The following CCDC148 variants were observed in gnomAD, a reference collection of about 807,000 sequenced individuals.
CCDC148 encodes the protein coiled-coil domain containing 148.
A neutral mutation model predicts 85.7 loss-of-function variants in CCDC148; 89 were observed. That is an observed-to-expected ratio of 1.04 (90% CI 0.87 to 1.24). The LOEUF (loss-of-function observed/expected upper bound fraction) is 1.24, where lower values mean the gene tolerates loss of function less well. Among genes scored for constraint, CCDC148 ranks in the 50% most tolerant of loss-of-function variants. The pLI is 0.00. For synonymous variants in CCDC148, 230 were observed against 213.9 expected, an observed-to-expected ratio of 1.08 and a Z score of -0.66; for missense variants, 692 against 671.7, an observed-to-expected ratio of 1.03 and a Z score of -0.33.
chr2:158,399,430 G>C (rs533226103), intron 1 of CCDC148, among the ~76,000 whole-genome samples: 4 of 152,062 alleles, frequency 2.6e-5, no homozygotes, highest in Non-Finnish European at 4.4e-5. Flanking sequence ...TATCCACCAC[G>C]ATCAAGTCAG....
chr2:158,347,696 A>C (rs907929498), intron 2 of CCDC148, among the ~76,000 whole-genome samples: 1 of 152,140 alleles, frequency 6.6e-6, no homozygotes, highest in Non-Finnish European at 1.5e-5. Context: ...TGATGGTCCA[A>C]GATAATAAAA....
intron 2 of CCDC148, among the ~76,000 whole-genome samples, chr2:158,355,569 G>A (rs1349782868): frequency 7.4e-6 from 1 of 135,562 alleles, no homozygotes; most frequent in Admixed American, 7.5e-5. Context: ...ACTGCTCAAG[G>A]AAATAAAAGA....
intron 2 of CCDC148, among the ~76,000 whole-genome samples, chr2:158,356,513 A>T (rs1200074524): frequency 2.0e-5 from 3 of 152,162 alleles, no homozygotes; most frequent in Non-Finnish European, 4.4e-5. Flanking sequence ...GAGAAATGCA[A>T]ATCAAAACTA....
intron 8 of CCDC148, among the ~76,000 whole-genome samples, chr2:158,311,938 T>C (rs1365466656): frequency 6.6e-6 from 1 of 152,158 alleles, no homozygotes; most frequent in Non-Finnish European, 1.5e-5. Context: ...GGAGAGAACC[T>C]GAGTAGCCTG....
intron 1 of CCDC148, among the ~76,000 whole-genome samples, chr2:158,451,623 T>C (rs1688407107): frequency 6.6e-6 from 1 of 152,140 alleles, no homozygotes; most frequent in African/African-American, 2.4e-5. Context: ...TTTCTCAAAG[T>C]TCTCTTATCT....
At chr2:158,396,364 C>T (rs1685522886) in intron 1 of CCDC148, among the ~76,000 whole-genome samples, 1 of 152,006 alleles carries the variant, frequency 6.6e-6, no homozygotes, top group Non-Finnish European at 1.5e-5. Context: ...ACCCCAGTCC[C>T]CACCATGCCT....
At chr2:158,204,370 G>A (rs907912123) in intron 11 of CCDC148, among the ~76,000 whole-genome samples, 2 of 152,178 alleles carry the variant, frequency 1.3e-5, no homozygotes, top group East Asian at 1.9e-4. Context: ...TAATTACTTT[G>A]ACCAGTGGAT....
chr2:158,207,545 T>C (rs1338333702), intron 11 of CCDC148: 1 of 152,198 alleles, frequency 6.6e-6, no homozygotes, highest in Non-Finnish European at 1.5e-5. Flanking sequence ...ATGGTTACAT[T>C]GACTTAAGAT....
intron 9 of CCDC148, among the ~76,000 whole-genome samples, chr2:158,285,232 G>A (rs949559809): frequency 1.6e-4 from 24 of 149,604 alleles, no homozygotes; most frequent in Admixed American, 3.3e-4. Context: ...AGGTTGCAGC[G>A]AGCTGAGATC....
chr2:158,327,582 C>G (rs769213331), intron 7 of CCDC148, among the ~76,000 whole-genome samples: 6 of 152,166 alleles, frequency 3.9e-5, no homozygotes, highest in Non-Finnish European at 7.3e-5. Context: ...ATTGACTGAT[C>G]TGTTCATGGC....
chr2:158,197,835 A>G (rs1001444634), intron 11 of CCDC148, among the ~76,000 whole-genome samples: 2 of 152,142 alleles, frequency 1.3e-5, no homozygotes, highest in African/African-American at 4.8e-5. Context: ...ATATTATAAT[A>G]TTTTTGGAAT....
At chr2:158,280,094 C>G (rs908151748) in intron 9 of CCDC148, among the ~76,000 whole-genome samples, 74 of 152,024 alleles carry the variant, frequency 4.9e-4, no homozygotes, top group Non-Finnish European at 2.4e-4. Context: ...TTTGTCACCA[C>G]CAGGCCTGCC....
chr2:158,345,617 ACCCC>A (rs1436247525), intron 2 of CCDC148, among the ~76,000 whole-genome samples: 7 of 152,220 alleles, frequency 4.6e-5, no homozygotes, highest in African/African-American at 1.7e-4. Context: ...AATTCATATA[ACCCC>A]AGAAAAGTTT....
rs139984011 is a variant in CCDC148 at position 158,222,968 on chromosome 2, G to A, written c.1252-2255C>T. On this transcript the variant is annotated intron_variant, in intron 10 of 13. Transcript: ENST00000283233. Reference sequence around the variant, plus strand: ...CTCACTGAGGAGTGTCGGAAAGTGGGTGCAGGACAGTGGGTGCAGTGCACC... The same window carrying A: ...CTCACTGAGGAGTGTCGGAAAGTGGATGCAGGACAGTGGGTGCAGTGCACC... Among the ~76,000 whole-genome samples the A allele has an allele frequency of 8.8e-3, 1,339 of 152,246 alleles. 8 individuals are homozygous for A. The highest frequency in any genetic ancestry group is 0.024 in the Middle Eastern group (7 of 294).
At chr2:158,274,498 A>G (rs1003040446) in intron 9 of CCDC148, among the ~76,000 whole-genome samples, 3 of 152,228 alleles carry the variant, frequency 2.0e-5, no homozygotes, top group Admixed American at 6.5e-5. Context: ...ATATTTACAC[A>G]TTAAAATATA....
chr2:158,239,324 C>T (rs1688250359), intron 10 of CCDC148, among the ~76,000 whole-genome samples: 3 of 151,770 alleles, frequency 2.0e-5, no homozygotes, highest in Admixed American at 2.0e-4. Context: ...CCACCCACCC[C>T]TGGCTTTTTC....
intron 1 of CCDC148, among the ~76,000 whole-genome samples, chr2:158,454,440 G>T (rs2105352873): frequency 6.6e-6 from 1 of 152,348 alleles, no homozygotes; most frequent in East Asian, 1.9e-4. Flanking sequence ...GCCTTGAAGA[G>T]AAATGTGGTC....
At chr2:158,244,141 A>G (rs1050071298) in intron 10 of CCDC148, among the ~76,000 whole-genome samples, 1 of 152,182 alleles carries the variant, frequency 6.6e-6, no homozygotes, top group African/African-American at 2.4e-5. Flanking sequence ...TATCATCCTC[A>G]AGATGACATC....
intron 1 of CCDC148, among the ~76,000 whole-genome samples, chr2:158,387,247 G>C (rs1350794324): frequency 6.6e-6 from 1 of 151,016 alleles, no homozygotes; most frequent in Non-Finnish European, 1.5e-5. Context: ...GGCTCACCCA[G>C]TAGGCAAAGC....
Sources: gnomAD v4.1 joint callset for allele counts (sites outside exome capture counted in the v4.1 genomes callset) on GRCh38, gnomAD v4.1.1 for gene constraint, MANE v1.5 for transcripts, NCBI Gene and HGNC (gene_info 2026-07-23, HGNC 2026-07-21) for gene names.